The following HSD17B12 variants were observed in gnomAD, a reference collection of about 807,000 sequenced individuals.
The protein encoded by HSD17B12 is hydroxysteroid 17-beta dehydrogenase 12.
HSD17B12 carries 32 observed loss-of-function variants against 39.3 expected under a neutral mutation model. That is an observed-to-expected ratio of 0.81 (90% CI 0.61 to 1.09). HSD17B12 has a LOEUF of 1.09. Ranked by LOEUF, HSD17B12 falls within the 50% of genes least tolerant of loss-of-function variation. The pLI is 0.00. For missense variants in HSD17B12, 342 were observed against 382.9 expected (o/e 0.89, Z 0.89); for synonymous variants, 150 against 146.7 (o/e 1.02, Z -0.16).
At chr11:43,557,769 C>T in the HSD17B12 span, among the ~76,000 whole-genome samples, 1 of 151,820 alleles carries the variant, frequency 6.6e-6, no homozygotes, top group Non-Finnish European at 1.5e-5. Context: ...AACTCGGGGG[C>T]GGCAGAGAAG....
chr11:43,585,316 C>T, the HSD17B12 span, among the ~76,000 whole-genome samples: 8 of 152,162 alleles, frequency 5.3e-5, no homozygotes, highest in South Asian at 2.1e-4. Flanking sequence ...TTGGGGATTT[C>T]GGTTCAGAGC....
intron 9 of HSD17B12, among the ~76,000 whole-genome samples, chr11:43,847,657 T>C (rs1352821930): frequency 7.3e-6 from 1 of 136,478 alleles, no homozygotes; most frequent in Non-Finnish European, 1.5e-5. Context: ...CAGTGAGCTG[T>C]GATGGTGTCA....
chr11:43,817,048 A>ATC (rs1565100072), intron 6 of HSD17B12, among the ~76,000 whole-genome samples: 5 of 124,684 alleles, frequency 4.0e-5, no homozygotes, highest in South Asian at 2.4e-4. Flanking sequence ...ATCTATATAT[A>ATC]TATATATATA....
chr11:43,757,638 T>C (rs1950518715), intron 3 of HSD17B12, among the ~76,000 whole-genome samples: 1 of 1,798 alleles, frequency 5.6e-4, no homozygotes, highest in Admixed American at 0.012. Context: ...AGACTCCGTC[T>C]CAAAAAAAAA....
At chr11:43,727,556 C>T (rs1323555537) in intron 1 of HSD17B12, among the ~76,000 whole-genome samples, 1 of 151,278 alleles carries the variant, frequency 6.6e-6, no homozygotes, top group Admixed American at 6.6e-5. Context: ...CTGGTCTCAA[C>T]TGATTTTCCT....
At chr11:43,678,471 C>A (rs1443634185), upstream of HSD17B12, among the ~76,000 whole-genome samples, 1 of 152,166 alleles carries the variant, frequency 6.6e-6, no homozygotes, top group Non-Finnish European at 1.5e-5. Context: ...GCTTTTGTTG[C>A]CATTGCTTTT....
intron 1 of HSD17B12, among the ~76,000 whole-genome samples, chr11:43,704,895 T>C (rs1430060033): frequency 6.6e-6 from 1 of 152,190 alleles, no homozygotes; most frequent in Non-Finnish European, 1.5e-5. Context: ...ATCTTGATGC[T>C]ATCCCTGACC....
chr11:43,699,108 A>G (rs892285742), intron 1 of HSD17B12, among the ~76,000 whole-genome samples: 5 of 152,200 alleles, frequency 3.3e-5, no homozygotes, highest in African/African-American at 1.2e-4. Context: ...GATATAGTTA[A>G]ATTATTGCTA....
intron 6 of HSD17B12, among the ~76,000 whole-genome samples, chr11:43,818,530 G>A (rs923450750): frequency 1.3e-5 from 2 of 152,170 alleles, no homozygotes; most frequent in African/African-American, 4.8e-5. Context: ...GGCAGTGTCA[G>A]ATACTTGAAA....
At chr11:43,586,836 T>C in the HSD17B12 span, among the ~76,000 whole-genome samples, 1 of 152,202 alleles carries the variant, frequency 6.6e-6, no homozygotes, top group Non-Finnish European at 1.5e-5. Context: ...CTATCACAAA[T>C]AAATTATTCT....
the HSD17B12 span, among the ~76,000 whole-genome samples, chr11:43,571,609 G>A: frequency 6.6e-6 from 1 of 152,184 alleles, no homozygotes; most frequent in Non-Finnish European, 1.5e-5. Flanking sequence ...TAATGGGGTT[G>A]TGCGAAAAGC....
the HSD17B12 span, among the ~76,000 whole-genome samples, chr11:43,574,803 C>T: frequency 3.9e-5 from 6 of 152,176 alleles, no homozygotes; most frequent in Non-Finnish European, 7.4e-5. Context: ...AAAGGGTAAA[C>T]GTCACCTCGC....
intron 1 of HSD17B12, chr11:43,734,675 A>T (rs528111666): frequency 3.9e-6 from 1 of 253,386 alleles, no homozygotes; most frequent in Admixed American, 4.8e-5. Flanking sequence ...AAATTTCATG[A>T]TTGGCTTAAA....
At chr11:43,810,371 AT>A (rs1951059614) in intron 4 of HSD17B12, among the ~76,000 whole-genome samples, 21 of 21,258 alleles carry the variant, frequency 9.9e-4, no homozygotes, top group Non-Finnish European at 2.0e-3. Flanking sequence ...TAGAAATTAT[AT>A]ATATATATAT....
At chr11:43,635,275 G>A in the HSD17B12 span, among the ~76,000 whole-genome samples, 2 of 152,106 alleles carry the variant, frequency 1.3e-5, no homozygotes, top group Non-Finnish European at 2.9e-5. Context: ...ATCTTATTGA[G>A]ATAATATTTT....
At chr11:43,729,089 T>C (rs1950246310) in intron 1 of HSD17B12, among the ~76,000 whole-genome samples, 1 of 152,178 alleles carries the variant, frequency 6.6e-6, no homozygotes, top group Non-Finnish European at 1.5e-5. Flanking sequence ...CATACCAGCA[T>C]CTTAAAGGTC....
intron 1 of HSD17B12, among the ~76,000 whole-genome samples, chr11:43,737,450 G>C (rs1257363447): frequency 6.6e-6 from 1 of 152,160 alleles, no homozygotes. Flanking sequence ...GACACTTCTG[G>C]ATGCCAAGTT....
chr11:43,835,713 G>A (rs1246895852), intron 7 of HSD17B12, among the ~76,000 whole-genome samples: 1 of 152,088 alleles, frequency 6.6e-6, no homozygotes, highest in Admixed American at 6.6e-5. Flanking sequence ...GTTTTAGCAT[G>A]CAAATACTGT....
intron 1 of HSD17B12, among the ~76,000 whole-genome samples, chr11:43,685,707 G>A (rs760528755): frequency 2.0e-5 from 3 of 152,214 alleles, no homozygotes; most frequent in African/African-American, 4.8e-5. Context: ...TGCAACATTC[G>A]TACACTGTAT....
Sources: allele counts gnomAD v4.1 joint callset (sites outside exome capture counted in the v4.1 genomes callset), GRCh38; gene constraint gnomAD v4.1.1; transcripts MANE v1.5; gene names NCBI Gene and HGNC (gene_info 2026-07-23, HGNC 2026-07-21).